Variants in SNTG1 observed in about 807,000 individuals in gnomAD.
SNTG1 encodes syntrophin gamma 1.
SNTG1 carries 39 observed loss-of-function variants against 74.7 expected under a neutral mutation model. That is an observed-to-expected ratio of 0.52 (90% CI 0.40 to 0.68). SNTG1 has a LOEUF of 0.68. Ranked by LOEUF, SNTG1 falls within the 30% of genes least tolerant of loss-of-function variation. The pLI, the probability that SNTG1 is intolerant of heterozygous loss-of-function variation, is 0.00. For missense variants in SNTG1, 685 were observed against 609.5 expected (o/e 1.12, Z -1.30); for synonymous variants, 254 against 217.1 (o/e 1.17, Z -1.49).
At chr8:50,479,071 G>A (rs2093719045) in intron 8 of SNTG1, among the ~76,000 whole-genome samples, 1 of 152,108 alleles carries the variant, frequency 6.6e-6, no homozygotes, top group Non-Finnish European at 1.5e-5. Context: ...AAGATGCAAT[G>A]CGGAGAGATT....
At chr8:50,225,132 A>G (rs937876789) in intron 2 of SNTG1, among the ~76,000 whole-genome samples, 1 of 151,950 alleles carries the variant, frequency 6.6e-6, no homozygotes, top group Non-Finnish European at 1.5e-5. Context: ...CACCACGTCC[A>G]GCTAATTTTT....
chr8:50,021,276 A>G (rs933119938), intron 1 of SNTG1, among the ~76,000 whole-genome samples: 1 of 152,112 alleles, frequency 6.6e-6, no homozygotes, highest in Non-Finnish European at 1.5e-5. Context: ...CTACATTGTC[A>G]TTGTTTCTCA....
chr8:50,395,427 CT>C (rs1489835597), intron 3 of SNTG1, among the ~76,000 whole-genome samples: 3 of 149,724 alleles, frequency 2.0e-5, no homozygotes, highest in Non-Finnish European at 3.0e-5. Flanking sequence ...TAACTTAGCA[CT>C]TATTGGTTCA....
intron 17 of SNTG1, among the ~76,000 whole-genome samples, chr8:50,714,141 CTG>C (rs554444968): frequency 5.6e-4 from 84 of 151,148 alleles, no homozygotes; most frequent in African/African-American, 1.9e-3. Flanking sequence ...GATCAAATGA[CTG>C]TAGATGTGTG....
rs138735193 is a variant in SNTG1, at chr8:50,634,978, T to C, written c.850-21931T>C. 1.8e-3 allele frequency among the ~76,000 whole-genome samples: 281 copies of C among 152,312 alleles called. 2 individuals are homozygous for C. The highest frequency in any genetic ancestry group is 0.01 in the Middle Eastern group (3 of 294). On this transcript the variant is annotated intron_variant, in intron 13 of 18. Transcript: ENST00000642720. Reference sequence around the variant, plus strand: ...CCGCAGTCTGTACCTTTGGGATTGGTCTACCACAGTAGACCTGTGGTATCC... The same window carrying C: ...CCGCAGTCTGTACCTTTGGGATTGGCCTACCACAGTAGACCTGTGGTATCC...
At chr8:50,300,810 C>T (rs1029397289) in intron 2 of SNTG1, among the ~76,000 whole-genome samples, 1 of 152,016 alleles carries the variant, frequency 6.6e-6, no homozygotes, top group Non-Finnish European at 1.5e-5. Flanking sequence ...ATTTAATTTG[C>T]CTGTATTCTG....
At chr8:50,613,491 A>T (rs893115965) in intron 13 of SNTG1, among the ~76,000 whole-genome samples, 30 of 152,226 alleles carry the variant, frequency 2.0e-4, no homozygotes, top group African/African-American at 6.0e-4. Flanking sequence ...TGAAGTACAG[A>T]GACAGAATGC....
intron 18 of SNTG1, among the ~76,000 whole-genome samples, chr8:50,788,840 A>AT (rs74946845): frequency 0.015 from 2,352 of 152,024 alleles, 98 homozygotes; most frequent in East Asian, 0.13. Flanking sequence ...ACTGTGCCTC[A>AT]TCTCCTGCGG....
intron 9 of SNTG1, among the ~76,000 whole-genome samples, chr8:50,527,542 T>C (rs1229532621): frequency 2.6e-5 from 4 of 152,088 alleles, no homozygotes; most frequent in African/African-American, 9.6e-5. Context: ...GATTATTATT[T>C]GATCATACAT....
chr8:50,400,331 T>C (rs775038983), intron 3 of SNTG1, among the ~76,000 whole-genome samples: 23 of 152,312 alleles, frequency 1.5e-4, no homozygotes, highest in Admixed American at 2.6e-4. Flanking sequence ...TTGTTGCAAG[T>C]TAAATAATTT....
intron 2 of SNTG1, among the ~76,000 whole-genome samples, chr8:50,390,280 C>A (rs1451103464): frequency 1.3e-5 from 2 of 152,148 alleles, no homozygotes; most frequent in African/African-American, 4.8e-5. Flanking sequence ...AGGAAGGGAT[C>A]CATTTTCAGC....
intron 1 of SNTG1, among the ~76,000 whole-genome samples, chr8:50,111,948 T>C (rs978575740): frequency 1.3e-5 from 2 of 152,052 alleles, no homozygotes; most frequent in Non-Finnish European, 2.9e-5. Context: ...GCCAAAAAAA[T>C]AGCCACAATA....
intron 16 of SNTG1, among the ~76,000 whole-genome samples, chr8:50,706,587 T>C (rs1027914166): frequency 6.6e-6 from 1 of 152,132 alleles, no homozygotes; most frequent in Non-Finnish European, 1.5e-5. Flanking sequence ...TTCAGTGAAA[T>C]ACATTGGCCT....
At chr8:50,697,682 T>C (rs2095409946) in intron 15 of SNTG1, among the ~76,000 whole-genome samples, 1 of 152,212 alleles carries the variant, frequency 6.6e-6, no homozygotes, top group Admixed American at 6.5e-5. Flanking sequence ...TTTCTGTGTC[T>C]ATTGAGATGA....
intron 2 of SNTG1, among the ~76,000 whole-genome samples, chr8:50,173,013 T>C (rs2082865893): frequency 1.2e-5 from 1 of 80,220 alleles, no homozygotes; most frequent in Admixed American, 1.2e-4. Flanking sequence ...TTCATGAAGA[T>C]GGTAACTGGA....
chr8:49,966,400 A>T (rs1395146037), intron 1 of SNTG1, among the ~76,000 whole-genome samples: 5 of 151,382 alleles, frequency 3.3e-5, no homozygotes, highest in Non-Finnish European at 7.4e-5. Flanking sequence ...TTAATTAATT[A>T]ATTTTTTTTT....
intron 17 of SNTG1, among the ~76,000 whole-genome samples, chr8:50,745,012 C>T (rs369661646): frequency 6.6e-5 from 10 of 151,814 alleles, no homozygotes; most frequent in Non-Finnish European, 8.8e-5. Context: ...TTTGCTATGA[C>T]GCCGAAAGCT....
intron 4 of SNTG1, among the ~76,000 whole-genome samples, chr8:50,427,160 A>G (rs995013291): frequency 1.3e-5 from 2 of 152,178 alleles, no homozygotes; most frequent in Non-Finnish European, 2.9e-5. Flanking sequence ...GGTTTCATGA[A>G]AAGCAAAAAT....
chr8:50,450,336 CA>C (rs1452560724), intron 6 of SNTG1, among the ~76,000 whole-genome samples: 1 of 152,050 alleles, frequency 6.6e-6, no homozygotes, highest in Non-Finnish European at 1.5e-5. Flanking sequence ...GTTAGGTCTG[CA>C]ATAGTAAAAG....
Sources: gnomAD v4.1 joint callset for allele counts (sites outside exome capture counted in the v4.1 genomes callset) on GRCh38, gnomAD v4.1.1 for gene constraint, MANE v1.5 for transcripts, NCBI Gene and HGNC (gene_info 2026-07-23, HGNC 2026-07-21) for gene names.